Variants in COL4A5 observed in about 807,000 individuals in gnomAD.
The protein encoded by COL4A5 is collagen type IV alpha 5 chain.
Under a neutral mutation model 130.2 loss-of-function variants are expected in COL4A5, and 26 were observed. The observed-to-expected ratio is 0.20, with a 90% CI of 0.15 to 0.28. The LOEUF is 0.28. Among genes scored for constraint, COL4A5 ranks in the 10% least tolerant of loss-of-function variants. The pLI, the probability that COL4A5 is intolerant of heterozygous loss-of-function variation, is 1.00. For synonymous variants in COL4A5, 496 were observed against 439.6 expected (o/e 1.13, Z -1.60); for missense variants, 1,131 against 1,344.3 (o/e 0.84, Z 2.48).
At chrX:108,551,299 AAAAT>A (rs940820018) in intron 2 of COL4A5, among the ~76,000 whole-genome samples, 8 of 111,364 alleles carry the variant, frequency 7.2e-5, no homozygotes, top group African/African-American at 9.8e-5. Flanking sequence ...ATTCAGCAAG[AAAAT>A]AAATAAATAA....
intron 1 of COL4A5, among the ~76,000 whole-genome samples, chrX:108,483,752 C>T (rs1488973309): frequency 8.9e-6 from 1 of 112,117 alleles, no homozygotes; most frequent in Non-Finnish European, 1.9e-5. Flanking sequence ...TACAAGTGTT[C>T]CCTTTTCTCC....
At chrX:108,659,456 G>C (rs2067909878) in intron 37 of COL4A5, among the ~76,000 whole-genome samples, 1 of 110,652 alleles carries the variant, frequency 9.0e-6, no homozygotes, top group Non-Finnish European at 1.9e-5. Context: ...CCAACTTCTT[G>C]CCTAATTGTT....
intron 1 of COL4A5, among the ~76,000 whole-genome samples, chrX:108,496,607 G>A (rs58797323): frequency 0.11 from 11,761 of 110,658 alleles, 1,343 homozygotes; most frequent in African/African-American, 0.34. Context: ...TATTTTTTCT[G>A]TTAATTACTG....
At chrX:108,513,981 C>A (rs2065201274) in intron 1 of COL4A5, among the ~76,000 whole-genome samples, 1 of 111,640 alleles carries the variant, frequency 9.0e-6, no homozygotes, top group Admixed American at 9.5e-5. Flanking sequence ...ATAGGGATAT[C>A]CAGTATTCCA....
rs927191456 is a variant in COL4A5 at position 108,608,578 on chromosome X, TACA to T, written c.2395+1694_2395+1696del. ...ATTTTTGATGCATATCAAAATAAAT[TACA>T]ACAACAATATACTTCTCTCTAAATA... On this transcript the variant is annotated intron_variant, in intron 29 of 52. Transcript: ENST00000328300. Among the ~76,000 whole-genome samples the T allele has an allele frequency of 3.3e-4, 37 of 111,294 alleles. 1 individual carries two copies. Among genetic ancestry groups the T allele is most frequent in the African/African-American group, 1.1e-3 (33 of 30,674 alleles).
chrX:108,553,909 T>C (rs955825789), intron 2 of COL4A5, among the ~76,000 whole-genome samples: 5 of 112,267 alleles, frequency 4.5e-5, no homozygotes, highest in Non-Finnish European at 9.4e-5. Flanking sequence ...TAATGAACTA[T>C]TGATATTCAC....
At chrX:108,614,045 A>G (rs989774683) in intron 29 of COL4A5, among the ~76,000 whole-genome samples, 1 of 111,987 alleles carries the variant, frequency 8.9e-6, no homozygotes, top group African/African-American at 3.2e-5. Context: ...TTGCAAAAAG[A>G]TTAACAAAAT....
chrX:108,542,456 C>CAT (rs2147666386), intron 2 of COL4A5, among the ~76,000 whole-genome samples: 1 of 111,257 alleles, frequency 9.0e-6, no homozygotes, highest in East Asian at 2.8e-4. Flanking sequence ...TTTATGGCTG[C>CAT]ATAGTATTCC....
intron 14 of COL4A5, 45 bp from the exon 15 acceptor site, chrX:108,580,637 C>T: frequency 8.4e-7 from 1 of 1,194,200 alleles, no homozygotes; most frequent in Non-Finnish European, 1.1e-6. Flanking sequence ...GGTATTGGTA[C>T]ACAGTATCCC....
At chrX:108,645,496 A>G (rs756313945) in intron 36 of COL4A5, among the ~76,000 whole-genome samples, 19 of 110,339 alleles carry the variant, frequency 1.7e-4, no homozygotes, top group Non-Finnish European at 3.0e-4. Context: ...CTGGAAAAAT[A>G]AAACCCTCCC....
Position 108,624,769 on chromosome X carries a change from A to T in COL4A5, c.3016+435A>T, listed in dbSNP as rs893688106. Among the ~76,000 whole-genome samples the T allele has an allele frequency of 8.9e-5, 10 of 111,781 alleles. 1 individual carries two copies. Among genetic ancestry groups the T allele is most frequent in the Non-Finnish European group, 1.9e-4 (10 of 53,117 alleles). Reference sequence around the variant, plus strand: ...AGATGGCTATTGATTCTATTTTTTTAAATTTCTAGGCATGAAAATTTCACA... The same window carrying T: ...AGATGGCTATTGATTCTATTTTTTTTAATTTCTAGGCATGAAAATTTCACA... On this transcript the variant is annotated intron_variant, in intron 34 of 52. Transcript: ENST00000328300.
At chrX:108,663,600 A>T (rs1239551297) in intron 37 of COL4A5, among the ~76,000 whole-genome samples, 1 of 110,676 alleles carries the variant, frequency 9.0e-6, no homozygotes, top group African/African-American at 3.3e-5. Flanking sequence ...GGTCAGGGGG[A>T]TGGAGAGCAT....
chrX:108,461,177 T>C (rs2064646587), intron 1 of COL4A5, among the ~76,000 whole-genome samples: 1 of 112,040 alleles, frequency 8.9e-6, no homozygotes, highest in South Asian at 3.7e-4. Context: ...TTTTTCTGAC[T>C]AATTTTACTG....
At chrX:108,619,496 CT>C (rs963503715) in intron 30 of COL4A5, among the ~76,000 whole-genome samples, 1 of 111,453 alleles carries the variant, frequency 9.0e-6, no homozygotes, top group Admixed American at 9.6e-5. Flanking sequence ...TAAACATACT[CT>C]TTTTTAACCA....
chrX:108,621,033 CCTTTCTTTCT>C (rs765468918), intron 31 of COL4A5, among the ~76,000 whole-genome samples: 9 of 109,976 alleles, frequency 8.2e-5, no homozygotes, highest in African/African-American at 1.3e-4. Context: ...TTTCTTTTTC[CCTTTCTTTCT>C]CTTTCTTTCT....
intron 34 of COL4A5, among the ~76,000 whole-genome samples, chrX:108,624,978 C>T (rs1207585020): frequency 8.9e-6 from 1 of 111,918 alleles, no homozygotes; most frequent in Admixed American, 9.6e-5. Flanking sequence ...CGCTAGACTC[C>T]ATACTACATG....
chrX:108,631,744 T>C (rs112336077), intron 36 of COL4A5, among the ~76,000 whole-genome samples: 11,456 of 110,563 alleles, frequency 0.1, 1,284 homozygotes, highest in African/African-American at 0.34. Flanking sequence ...GGGTACATAA[T>C]GAAATTAAGG....
At chrX:108,552,191 C>T (rs1421192038) in intron 2 of COL4A5, among the ~76,000 whole-genome samples, 1 of 111,108 alleles carries the variant, frequency 9.0e-6, no homozygotes, top group Non-Finnish European at 1.9e-5. Flanking sequence ...CACCTGTACC[C>T]CCGAACCTAA....
intron 1 of COL4A5, among the ~76,000 whole-genome samples, chrX:108,515,296 A>T (rs2081718434): frequency 9.0e-6 from 1 of 111,704 alleles, no homozygotes; most frequent in Non-Finnish European, 1.9e-5. Context: ...TGAGGCCTCC[A>T]TCTTGGCAGG....
Sources: allele counts gnomAD v4.1 joint callset (sites outside exome capture counted in the v4.1 genomes callset), GRCh38; gene constraint gnomAD v4.1.1; transcripts MANE v1.5; gene names NCBI Gene and HGNC (gene_info 2026-07-23, HGNC 2026-07-21).